TTC1: variants seen among roughly 807,000 people sequenced by gnomAD.
TTC1 encodes tetratricopeptide repeat domain 1.
TTC1 carries 31 observed loss-of-function variants against 37.6 expected under a neutral mutation model. That is an observed-to-expected ratio of 0.82 (90% CI 0.62 to 1.11). The LOEUF is 1.11. TTC1 is among the 50% of genes most tolerant of loss of function. TTC1 has a pLI of 0.00. For missense variants in TTC1, 351 were observed against 339.0 expected (o/e 1.04, Z -0.28); for synonymous variants, 127 against 122.4 (o/e 1.04, Z -0.25).
At chr5:160,038,030 C>T (rs1371526816) in intron 4 of TTC1, among the ~76,000 whole-genome samples, 2 of 151,628 alleles carry the variant, frequency 1.3e-5, no homozygotes, top group African/African-American at 4.8e-5. Flanking sequence ...TTAAAGGCCC[C>T]AGGGCAGGGT....
chr5:160,024,709 G>A (rs1428128239), intron 2 of TTC1, among the ~76,000 whole-genome samples: 4 of 151,238 alleles, frequency 2.6e-5, no homozygotes, highest in East Asian at 3.9e-4. Context: ...TTGTTGCCCC[G>A]GTTGGTCTCA....
At chr5:160,063,225 G>GTTTACATTT (rs1472002835) in intron 7 of TTC1, among the ~76,000 whole-genome samples, 1 of 152,146 alleles carries the variant, frequency 6.6e-6, no homozygotes, top group Non-Finnish European at 1.5e-5. Flanking sequence ...CCTGTAAAAT[G>GTTTACATTT]TAAAGGCCAT....
intron 2 of TTC1, among the ~76,000 whole-genome samples, chr5:160,021,483 A>G (rs1756702970): frequency 1.3e-5 from 2 of 152,228 alleles, no homozygotes; most frequent in Non-Finnish European, 2.9e-5. Context: ...GTTTTGGGAA[A>G]TAGAATTTTC....
At chr5:160,064,897 C>T in intron 7 of TTC1, 35 bp from the exon 8 acceptor site, 1 of 1,599,686 alleles carries the variant, frequency 6.3e-7, no homozygotes, top group Non-Finnish European at 8.5e-7. Context: ...CTGTTCATTC[C>T]TGTATTCATT....
At chr5:160,064,808 G>T in intron 7 of TTC1, 124 bp from the exon 8 acceptor site, 1 of 1,024,822 alleles carries the variant, frequency 9.8e-7, no homozygotes, top group South Asian at 1.7e-5. Flanking sequence ...TTAAAAGTAG[G>T]CATTTCTTTA....
At chr5:160,019,580 C>CTTTTTTTTTTT (rs201420281) in intron 2 of TTC1, among the ~76,000 whole-genome samples, 5 of 108,708 alleles carry the variant, frequency 4.6e-5, no homozygotes, top group Non-Finnish European at 7.3e-5. Context: ...TTCTTTCATT[C>CTTTTTTTTTTT]TTTTTTTTTT....
intron 2 of TTC1, among the ~76,000 whole-genome samples, chr5:160,028,298 C>CAAA (rs61408395): frequency 1.3e-5 from 1 of 79,700 alleles, no homozygotes; most frequent in African/African-American, 5.0e-5. Context: ...GACTCCGTCT[C>CAAA]AAAAAAAAAA....
chr5:160,049,636 A>G lies in TTC1; in HGVS notation c.664A>G (p.Ile222Val), dbSNP rs376379489. 1.9e-5 allele frequency: 31 copies of G among 1,592,126 alleles called. No individual in the cohort carries two copies. Among genetic ancestry groups the G allele is most frequent in the Admixed American group, 3.7e-5 (2 of 53,860 alleles). The change falls in exon 6 of 8, where the codon ATA becomes GTA. Residue 222 changes from isoleucine to valine, a missense_variant. Physicochemically the swap from Ile to Val is conservative, Grantham distance 29. Transcript: ENST00000231238. ...YKSILEKDPSIHQAREACMRL... is the reference protein window; with the variant it reads ...YKSILEKDPSVHQAREACMRL... ...ATCTATATTAGAAAAAGATCCATCAATACATCAAGCAAGAGAAGCTTGTAT... is the reference window on the plus strand; with the variant it reads ...ATCTATATTAGAAAAAGATCCATCAGTACATCAAGCAAGAGAAGCTTGTAT...
chr5:160,044,826 C>T (rs767661016), intron 5 of TTC1, among the ~76,000 whole-genome samples: 2 of 152,176 alleles, frequency 1.3e-5, no homozygotes, highest in Non-Finnish European at 2.9e-5. Context: ...TTACCCAGCC[C>T]CTATTCAAGA....
chr5:160,051,203 T>C lies in TTC1; in HGVS notation c.745+20T>C, dbSNP rs763914112. ...TGTTAGGTAAGCTTACTTCTTACTT[T>C]GCTTGATCATAAACAGCTAGGAACC... On this transcript the variant is annotated intron_variant, in intron 7 of 7. Coordinates refer to ENST00000231238, the MANE Select transcript of TTC1 (RefSeq NM_003314.3). The C allele has an allele frequency of 8.7e-6, 14 of 1,600,180 alleles. No individual in the cohort carries two copies. Among genetic ancestry groups the C allele is most frequent in the Non-Finnish European group, 1.2e-5 (14 of 1,171,766 alleles).
chr5:160,050,977 GT>G (rs11384114), intron 6 of TTC1, 151 bp from the exon 7 acceptor site: 3,666 of 442,380 alleles, frequency 8.3e-3, no homozygotes, highest in East Asian at 0.012. Flanking sequence ...AATACTTGGG[GT>G]TTTTTTTTTT....
intron 5 of TTC1, 43 bp from the exon 6 acceptor site, chr5:160,049,471 C>A: frequency 6.6e-7 from 1 of 1,515,786 alleles, no homozygotes; most frequent in Non-Finnish European, 8.8e-7. Context: ...GATATGTAGG[C>A]CATTTTTCTT....
intron 2 of TTC1, among the ~76,000 whole-genome samples, chr5:160,017,652 C>T (rs1489463201): frequency 1.3e-5 from 2 of 152,194 alleles, no homozygotes; most frequent in African/African-American, 4.8e-5. Flanking sequence ...CTGCTTGTCA[C>T]AGTGCAGTTT....
chr5:160,027,092 A>G (rs965735330), intron 2 of TTC1, among the ~76,000 whole-genome samples: 3 of 150,954 alleles, frequency 2.0e-5, no homozygotes, highest in African/African-American at 4.9e-5. Context: ...ACAGGGGTGC[A>G]ATCATGGATC....
chr5:160,037,566 A>C (rs1393992150), intron 4 of TTC1, among the ~76,000 whole-genome samples: 2 of 152,282 alleles, frequency 1.3e-5, no homozygotes, highest in Middle Eastern at 3.4e-3. Flanking sequence ...AAATACAAAA[A>C]TTAGCCAGGC....
At chr5:160,043,007 G>A (rs902078901) in intron 4 of TTC1, 126 bp from the exon 5 acceptor site, 9 of 975,900 alleles carry the variant, frequency 9.2e-6, no homozygotes, top group Middle Eastern at 2.5e-4. Context: ...AGGTTTTTAC[G>A]TAATTTCTTT....
intron 2 of TTC1, among the ~76,000 whole-genome samples, chr5:160,022,285 T>C (rs1029732766): frequency 4.6e-5 from 7 of 152,172 alleles, no homozygotes; most frequent in Non-Finnish European, 8.8e-5. Flanking sequence ...AGCCACTGCA[T>C]TGTAGTCTGC....
intron 7 of TTC1, among the ~76,000 whole-genome samples, chr5:160,058,236 G>A (rs766528900): frequency 3.3e-5 from 5 of 152,060 alleles, no homozygotes; most frequent in African/African-American, 4.8e-5. Flanking sequence ...ATCTTCAAGC[G>A]CCACTCGAAT....
intron 7 of TTC1, among the ~76,000 whole-genome samples, chr5:160,059,229 A>G (rs1287493203): frequency 6.6e-6 from 1 of 152,210 alleles, no homozygotes; most frequent in Admixed American, 6.5e-5. Context: ...TAGTGTAGCC[A>G]CCTTCATCAG....
Sources: gnomAD v4.1 joint callset for allele counts (sites outside exome capture counted in the v4.1 genomes callset) on GRCh38, gnomAD v4.1.1 for gene constraint, MANE v1.5 for transcripts, NCBI Gene and HGNC (gene_info 2026-07-23, HGNC 2026-07-21) for gene names.